SMYD3: variants seen among roughly 807,000 people sequenced by gnomAD.
The protein encoded by SMYD3 is SET and MYND domain containing 3.
A neutral mutation model predicts 57.7 loss-of-function variants in SMYD3; 36 were observed. The observed-to-expected ratio is 0.62, with a 90% CI of 0.48 to 0.82. The LOEUF (loss-of-function observed/expected upper bound fraction) is 0.82, where lower values mean the gene tolerates loss of function less well. Ranked by LOEUF, SMYD3 falls within the 40% of genes least tolerant of loss-of-function variation. SMYD3 has a pLI of 0.00. For synonymous variants in SMYD3, 211 were observed against 195.0 expected (o/e 1.08, Z -0.68); for missense variants, 515 against 538.8 (o/e 0.96, Z 0.44).
chr1:246,000,944 G>A lies in SMYD3; in HGVS notation c.532-71007C>T, dbSNP rs538736369. Among the ~76,000 whole-genome samples, 4 of 152,310 alleles carry A rather than the reference G, an allele frequency of 2.6e-5. No homozygotes were observed. In the South Asian group the frequency reaches 8.3e-4, roughly 32 times the overall value. On this transcript the variant is annotated intron_variant, in intron 5 of 11. Transcript: ENST00000490107. ...ATAGATCGAAAGTCTAGCTAACTTAGAGACTGCTTTATTTTGTCCGAGTAA... is the reference window on the plus strand; with the variant it reads ...ATAGATCGAAAGTCTAGCTAACTTAAAGACTGCTTTATTTTGTCCGAGTAA...
chr1:246,372,665 G>A (rs2066211276), intron 1 of SMYD3, among the ~76,000 whole-genome samples: 1 of 152,142 alleles, frequency 6.6e-6, no homozygotes, highest in Non-Finnish European at 1.5e-5. Flanking sequence ...GAGGGCAGGG[G>A]TTAGAGACTA....
chr1:245,824,554 CT>C (rs1367858472), intron 10 of SMYD3, among the ~76,000 whole-genome samples: 1 of 151,766 alleles, frequency 6.6e-6, no homozygotes, highest in Non-Finnish European at 1.5e-5. Context: ...CCCAACTCTA[CT>C]AAAAATATAA....
intron 11 of SMYD3, among the ~76,000 whole-genome samples, chr1:245,754,707 A>C (rs2791367): frequency 0.48 from 73,621 of 152,082 alleles, 19,832 homozygotes; most frequent in African/African-American, 0.71. Context: ...CTGGAGGAAT[A>C]TGTCCTTTTG....
chr1:246,318,584 T>C (rs1220007328), intron 5 of SMYD3, among the ~76,000 whole-genome samples: 1 of 152,198 alleles, frequency 6.6e-6, no homozygotes, highest in Non-Finnish European at 1.5e-5. Flanking sequence ...AGAGACACAG[T>C]ATTCCAGTAG....
chr1:246,036,720 A>ATTTTTTTTTTTTTTTTT (rs546300378), intron 5 of SMYD3, among the ~76,000 whole-genome samples: 16 of 110,492 alleles, frequency 1.4e-4, no homozygotes, highest in East Asian at 3.9e-4. Context: ...AGCCCGGCTA[A>ATTTTTTTTTTTTTTTTT]TTTTTTTTTT....
chr1:246,265,861 T>C (rs1446797636), intron 5 of SMYD3, among the ~76,000 whole-genome samples: 1 of 152,236 alleles, frequency 6.6e-6, no homozygotes, highest in Non-Finnish European at 1.5e-5. Context: ...CATCTCCTTA[T>C]ATTGACAATC....
At chr1:246,260,828 C>T (rs2063993725) in intron 5 of SMYD3, among the ~76,000 whole-genome samples, 2 of 152,084 alleles carry the variant, frequency 1.3e-5, no homozygotes, top group African/African-American at 4.8e-5. Flanking sequence ...TCTTATCTGC[C>T]ATCTTAGAGA....
intron 5 of SMYD3, among the ~76,000 whole-genome samples, chr1:245,936,360 C>G (rs2056979611): frequency 1.2e-5 from 1 of 83,090 alleles, no homozygotes; most frequent in African/African-American, 2.6e-5. Context: ...AATACGTAAT[C>G]TTATTTTTTT....
At chr1:246,069,182 C>T (rs1216475906) in intron 5 of SMYD3, among the ~76,000 whole-genome samples, 2 of 152,112 alleles carry the variant, frequency 1.3e-5, no homozygotes, top group African/African-American at 4.8e-5. Flanking sequence ...TTAGTCATGA[C>T]CTTGTAGCTG....
intron 5 of SMYD3, among the ~76,000 whole-genome samples, chr1:246,101,663 T>C (rs1483697743): frequency 6.6e-6 from 1 of 152,256 alleles, no homozygotes; most frequent in Admixed American, 6.5e-5. Flanking sequence ...TGCGGTTAGG[T>C]TCTTGTTCTC....
At chr1:246,309,303 T>A (rs2065036196) in intron 5 of SMYD3, among the ~76,000 whole-genome samples, 2 of 152,122 alleles carry the variant, frequency 1.3e-5, no homozygotes, top group African/African-American at 2.4e-5. Context: ...AACAGAAATA[T>A]AAAATACATG....
chr1:245,782,671 C>T (rs2046880625), intron 10 of SMYD3, among the ~76,000 whole-genome samples: 1 of 152,170 alleles, frequency 6.6e-6, no homozygotes, highest in South Asian at 2.1e-4. Flanking sequence ...ACAGTCAAAA[C>T]GGCATCTAAC....
chr1:245,756,803 T>C (rs2045624647), intron 11 of SMYD3, among the ~76,000 whole-genome samples: 1 of 151,752 alleles, frequency 6.6e-6, no homozygotes, highest in African/African-American at 2.4e-5. Flanking sequence ...TTAGGACTTT[T>C]TTTTTTTTTG....
chr1:245,775,196 A>G (rs1400031859), intron 10 of SMYD3, among the ~76,000 whole-genome samples: 1 of 152,170 alleles, frequency 6.6e-6, no homozygotes, highest in Non-Finnish European at 1.5e-5. Flanking sequence ...CCACCCGGCC[A>G]GCCGCCCTGT....
At chr1:246,274,170 A>G (rs544134209) in intron 5 of SMYD3, among the ~76,000 whole-genome samples, 131 of 152,308 alleles carry the variant, frequency 8.6e-4, no homozygotes, top group African/African-American at 3.1e-3. Context: ...CTCTGAAAGC[A>G]TATTATTCTT....
intron 1 of SMYD3, among the ~76,000 whole-genome samples, chr1:246,502,054 C>T (rs1449299694): frequency 6.6e-6 from 1 of 152,062 alleles, no homozygotes; most frequent in African/African-American, 2.4e-5. Flanking sequence ...AGAGACATTC[C>T]ATCATCTCAC....
At chr1:245,751,809 T>A (rs761766159) in intron 11 of SMYD3, among the ~76,000 whole-genome samples, 1 of 152,158 alleles carries the variant, frequency 6.6e-6, no homozygotes, top group Non-Finnish European at 1.5e-5. Context: ...TTCCTATTCA[T>A]GCGAGCAAGT....
Position 245,846,814 on chromosome 1 carries a change from A to G in SMYD3, c.1076+11682T>C, listed in dbSNP as rs1171128643. 5.3e-5 allele frequency among the ~76,000 whole-genome samples: 8 copies of G among 152,344 alleles called. No individual in the cohort carries two copies. The East Asian group carries it at 9.6e-4, about 18-fold the overall frequency. On this transcript the variant is annotated intron_variant, in intron 10 of 11. Transcript: ENST00000490107. Reference sequence around the variant, plus strand: ...CCAATAGCTGGCAGATGCTTTTATGATTGTTGAATCCAGTTTATCTCACGT... The same window carrying G: ...CCAATAGCTGGCAGATGCTTTTATGGTTGTTGAATCCAGTTTATCTCACGT...
chr1:245,830,107 G>A (rs986849237), intron 10 of SMYD3, among the ~76,000 whole-genome samples: 3 of 152,128 alleles, frequency 2.0e-5, no homozygotes, highest in African/African-American at 4.8e-5. Flanking sequence ...GTAATTATAT[G>A]TTATATGAAT....
Sources: gnomAD v4.1 joint callset for allele counts (sites outside exome capture counted in the v4.1 genomes callset) on GRCh38, gnomAD v4.1.1 for gene constraint, MANE v1.5 for transcripts, NCBI Gene and HGNC (gene_info 2026-07-23, HGNC 2026-07-21) for gene names.